The following FKBP6 variants were observed in gnomAD, a reference collection of about 807,000 sequenced individuals.
FKBP6 encodes the protein FKBP prolyl isomerase family member 6 (inactive).
A neutral mutation model predicts 41.7 loss-of-function variants in FKBP6; 29 were observed. That is an observed-to-expected ratio of 0.70 (90% CI 0.52 to 0.95). FKBP6 has a LOEUF of 0.95. FKBP6 is among the 40% of genes least tolerant of loss of function. The probability of loss-of-function intolerance (pLI) is 0.00; values close to 1 mark genes in which losing one functional copy is unlikely to be tolerated. For missense variants in FKBP6, 338 were observed against 408.7 expected (o/e 0.83, Z 1.49); for synonymous variants, 130 against 165.1 (o/e 0.79, Z 1.63).
intron 6 of FKBP6, 83 bp downstream of exon 6, chr7:73,340,915 GTCTTT>G: frequency 4.7e-6 from 3 of 637,068 alleles, no homozygotes; most frequent in Non-Finnish European, 8.0e-6. Context: ...CAAAAATGCT[GTCTTT>G]TTTTTTTTTT....
At chr7:73,355,168 G>A (rs1358333140) in intron 8 of FKBP6, among the ~76,000 whole-genome samples, 4 of 152,258 alleles carry the variant, frequency 2.6e-5, no homozygotes, top group African/African-American at 9.6e-5. Flanking sequence ...CCCACCCGCC[G>A]TGGAAGCAGC....
In FKBP6 at chr7:73,328,222, G is replaced by A. The variant is rs1408303602; in HGVS notation, c.-207G>A. The stretch of plus-strand genomic sequence containing the variant: ...CGCACCTCACCGCGTGGCCTCTGTA[G>A]TTCCAGAGCTCGCGAGGGCCAGGGC... On this transcript the variant is annotated 5_prime_UTR_variant, in exon 1 of 9. Transcript: ENST00000252037. 29 of 1,548,922 alleles carry A rather than the reference G, an allele frequency of 1.9e-5. 1 individual carries two copies. The highest frequency in any genetic ancestry group is 2.4e-5 in the Non-Finnish European group (28 of 1,146,604).
chr7:73,340,879 A>T, intron 6 of FKBP6, 47 bp downstream of exon 6: 2 of 1,076,944 alleles, frequency 1.9e-6, no homozygotes, highest in Non-Finnish European at 2.8e-6. Flanking sequence ...AGGAAAAGGT[A>T]GTAGCAGTGC....
chr7:73,342,877 T>C lies in FKBP6; in HGVS notation c.964T>C (p.Ser322Pro), dbSNP rs1206890072. ...CATGTTCGCGCCCTGTGGCGATGGT[T>C]CTACAGCAGGAGAAAGTTGAAGGTA... ...HRMFAPCGDG[S>P]TAGES Residue 322 changes from serine to proline, a missense_variant, in exon 8 of 9, where the codon TCT becomes CCT. Around this residue, in one of 2 missense-constraint regions of FKBP6, gnomAD observed 239 missense variants for 250.1 expected, o/e 0.96. Transcript: ENST00000252037. The C allele has an allele frequency of 9.9e-6, 16 of 1,613,558 alleles. No individual in the cohort carries two copies. The highest frequency in any genetic ancestry group is 1.4e-5 in the Non-Finnish European group (16 of 1,179,546).
intron 5 of FKBP6, among the ~76,000 whole-genome samples, chr7:73,334,405 A>T (rs192393483): frequency 3.1e-5 from 1 of 32,182 alleles, no homozygotes; most frequent in African/African-American, 1.2e-4. Flanking sequence ...CCCCCTCCCC[A>T]CCTAGTTTCC....
chr7:73,329,504 C>G (rs1583794373), intron 3 of FKBP6, 55 bp downstream of exon 3: 1 of 1,059,952 alleles, frequency 9.4e-7, no homozygotes, highest in South Asian at 1.2e-5. Flanking sequence ...CTAGATGAGG[C>G]ACGATGCCTC....
intron 8 of FKBP6, among the ~76,000 whole-genome samples, chr7:73,355,284 T>A (rs146730699): frequency 1.2e-4 from 18 of 152,368 alleles, no homozygotes; most frequent in African/African-American, 4.1e-4. Context: ...GACTTATTTC[T>A]CCTTGAGCCA....
intron 5 of FKBP6, among the ~76,000 whole-genome samples, chr7:73,334,199 T>A (rs2115851915): frequency 6.6e-6 from 1 of 152,320 alleles, no homozygotes; most frequent in African/African-American, 2.4e-5. Context: ...CGAAGATCGT[T>A]TTTCCCCGGC....
intron 5 of FKBP6, among the ~76,000 whole-genome samples, chr7:73,332,245 A>C (rs1041547506): frequency 6.6e-6 from 1 of 152,104 alleles, no homozygotes; most frequent in Admixed American, 6.5e-5. Flanking sequence ...TCCTCATGCC[A>C]GGCCAAGGCA....
chr7:73,355,274 GACTT>G (rs2115989476), intron 8 of FKBP6, among the ~76,000 whole-genome samples: 1 of 152,304 alleles, frequency 6.6e-6, no homozygotes, highest in East Asian at 1.9e-4. Flanking sequence ...TCGATCTCCG[GACTT>G]ATTTCTCCTT....
chr7:73,352,099 G>T (rs577863901), intron 8 of FKBP6, among the ~76,000 whole-genome samples: 2 of 152,278 alleles, frequency 1.3e-5, no homozygotes, highest in African/African-American at 4.8e-5. Flanking sequence ...TTGAGTAGCT[G>T]GGACTACAAG....
chr7:73,345,643 A>G (rs771892819), intron 8 of FKBP6, among the ~76,000 whole-genome samples: 1 of 152,102 alleles, frequency 6.6e-6, no homozygotes, highest in Non-Finnish European at 1.5e-5. Context: ...CTCTATAGCT[A>G]TTTTCAGGCA....
chr7:73,345,222 GAAAAAAAAAA>G (rs1156457847), intron 8 of FKBP6, among the ~76,000 whole-genome samples: 1 of 66,652 alleles, frequency 1.5e-5, no homozygotes, highest in African/African-American at 6.0e-5. Flanking sequence ...GCATCAGCCA[GAAAAAAAAAA>G]AAAAAAAAAA....
intron 7 of FKBP6, among the ~76,000 whole-genome samples, chr7:73,342,312 A>G (rs951645644): frequency 1.3e-5 from 2 of 152,298 alleles, no homozygotes; most frequent in South Asian, 4.2e-4. Flanking sequence ...GAAATTCTCT[A>G]CTTGTCTTAA....
rs1554546659 is a variant in FKBP6, at chr7:73,328,340, G to T, written c.-89G>T. The T allele has an allele frequency of 1.3e-6, 2 of 1,552,048 alleles. No individual in the cohort carries two copies. The highest frequency in any genetic ancestry group is 2.0e-5 in the Admixed American group (1 of 51,002). ...GTAGGGGTCTGCCGGGCATAAAGGG[G>T]CCTTCGGAACCCCACCAGAGTCACA... On this transcript the variant is annotated 5_prime_UTR_variant, in exon 1 of 9. Transcript: ENST00000252037.
intron 8 of FKBP6, among the ~76,000 whole-genome samples, chr7:73,344,399 G>A (rs1298384982): frequency 6.6e-6 from 1 of 152,148 alleles, no homozygotes; most frequent in African/African-American, 2.4e-5. Context: ...CTTACCATCA[G>A]CAATGACTGT....
intron 5 of FKBP6, chr7:73,336,942 G>T: frequency 3.1e-6 from 1 of 317,538 alleles, no homozygotes. Context: ...ACAGAAGAAG[G>T]GAATGACTTG....
At chr7:73,355,896 C>G (rs1187298412) in intron 8 of FKBP6, among the ~76,000 whole-genome samples, 1 of 151,790 alleles carries the variant, frequency 6.6e-6, no homozygotes, top group East Asian at 1.9e-4. Flanking sequence ...GAAACTCCGT[C>G]TCTACTAAAA....
chr7:73,330,266 C>G lies in FKBP6; in HGVS notation c.382C>G (p.Pro128Ala), dbSNP rs1554547424. The change falls in exon 4 of 9, where the codon CCC (proline) becomes GCC (alanine). Residue 128 changes from proline (P) to alanine (A), a missense_variant. Around this residue, in one of 2 missense-constraint regions of FKBP6, gnomAD observed 239 missense variants for 250.1 expected, o/e 0.96. Transcript: ENST00000252037. ...AACGCTGGGCTGCCCTCCCTTGATC[C>G]CCCCAAACACCACTGTCCTGTTTGA... ...YGTLGCPPLI[P>A]PNTTVLFEIE... 1 of 1,614,036 alleles carries G rather than the reference C, an allele frequency of 6.2e-7. No homozygotes were observed. The highest frequency in any genetic ancestry group is 2.2e-5 in the East Asian group (1 of 44,884).
Sources: gnomAD v4.1 joint callset for allele counts (sites outside exome capture counted in the v4.1 genomes callset) on GRCh38, gnomAD v4.1.1 for gene constraint, gnomAD v4.1.1 regional missense constraint, MANE v1.5 for transcripts, NCBI Gene and HGNC (gene_info 2026-07-23, HGNC 2026-07-21) for gene names.